The following SCAPER variants were observed in gnomAD, a reference collection of about 807,000 sequenced individuals.
SCAPER encodes S-phase cyclin A associated protein in the ER.
SCAPER carries 98 observed loss-of-function variants against 182.2 expected under a neutral mutation model. That is an observed-to-expected ratio of 0.54 (90% confidence interval 0.46 to 0.64). The LOEUF (loss-of-function observed/expected upper bound fraction) is 0.64, where lower values mean the gene tolerates loss of function less well. Ranked by LOEUF, SCAPER falls within the 30% of genes least tolerant of loss-of-function variation. The pLI is 0.00. For synonymous variants in SCAPER, 605 were observed against 564.6 expected (o/e 1.07, Z -1.01); for missense variants, 1,432 against 1,690.0 (o/e 0.85, Z 2.68).
At chr15:76,764,387 C>A (rs1471506355) in intron 14 of SCAPER, among the ~76,000 whole-genome samples, 1 of 149,708 alleles carries the variant, frequency 6.7e-6, no homozygotes. Context: ...CAAGGCAGGT[C>A]GTGGCAGAGG....
chr15:76,637,734 ATATATATATGTGTGTGTGTGTGTGTG>A lies in SCAPER; in HGVS notation c.2646-15931_2646-15906del, dbSNP rs1367651941. Among the ~76,000 whole-genome samples the A allele has an allele frequency of 7.9e-3, 248 of 31,548 alleles. 7 individuals are homozygous for A. The highest frequency in any genetic ancestry group is 0.019 in the African/African-American group (243 of 12,480). The allele number at this position is 31,548 out of a possible 152,430, so 20.7% of individuals were successfully genotyped here. ...AATATATATGTGATTATATATATAT[ATATATATATGTGTGTGTGTGTGTGTG>A]TGTGTGTGTGTGTGTGTGTGTGTGT... On this transcript the variant is annotated intron_variant, in intron 21 of 31. Coordinates refer to ENST00000563290, the MANE Select transcript of SCAPER (RefSeq NM_020843.4).
chr15:76,671,477 C>T, intron 20 of SCAPER, among the ~76,000 whole-genome samples: 1 of 151,900 alleles, frequency 6.6e-6, no homozygotes, highest in South Asian at 2.1e-4. Context: ...ATTCCCACAA[C>T]CTCCAAATAG....
rs918696624 is a variant in SCAPER at position 76,717,145 on chromosome 15, A to G, written c.2166-11161T>C. Among the ~76,000 whole-genome samples, 6 of 120,284 alleles carry G rather than the reference A, an allele frequency of 5.0e-5. No homozygotes were observed. In the South Asian group the frequency reaches 1.1e-3, roughly 22 times the overall value. The allele number at this position is 120,284 out of a possible 152,430, so 78.9% of individuals were successfully genotyped here. Reference sequence around the variant, plus strand: ...ACATATTCAAAATGATGAAAGGGAAAAAAAAAAAAAAAAAACCTGCCGGCT... The same window carrying G: ...ACATATTCAAAATGATGAAAGGGAAGAAAAAAAAAAAAAAACCTGCCGGCT... On this transcript the variant is annotated intron_variant, in intron 17 of 31. Coordinates refer to ENST00000563290, the MANE Select transcript of SCAPER (RefSeq NM_020843.4).
At chr15:76,603,561 T>G (rs2145818174) in intron 22 of SCAPER, among the ~76,000 whole-genome samples, 1 of 122,288 alleles carries the variant, frequency 8.2e-6, no homozygotes, top group South Asian at 2.5e-4. Flanking sequence ...ATGGGATGGC[T>G]GGGTCAAATG....
In SCAPER at chr15:76,404,507, T is replaced by C. The variant is rs764433726; in HGVS notation, c.3467+17A>G. 1 of 1,583,972 alleles carries C rather than the reference T, an allele frequency of 6.3e-7. No homozygotes were observed. Among genetic ancestry groups the C allele is most frequent in the South Asian group, 1.1e-5 (1 of 88,638 alleles). On this transcript the variant is annotated intron_variant, in intron 27 of 31. Coordinates refer to ENST00000563290, the MANE Select transcript of SCAPER (RefSeq NM_020843.4). ...TCCAAAAGTTGAGTCTAGATTGAGATCAAGTAGATGCCTTACCTTCCAGTG... is the reference window on the plus strand; with the variant it reads ...TCCAAAAGTTGAGTCTAGATTGAGACCAAGTAGATGCCTTACCTTCCAGTG...
chr15:76,388,586 C>G (rs1333136118), intron 27 of SCAPER, among the ~76,000 whole-genome samples: 1 of 152,160 alleles, frequency 6.6e-6, no homozygotes, highest in South Asian at 2.1e-4. Flanking sequence ...ATTTAAGACT[C>G]AGCTGGGCAT....
intron 22 of SCAPER, among the ~76,000 whole-genome samples, chr15:76,576,233 G>A (rs1370448183): frequency 2.0e-5 from 3 of 152,110 alleles, no homozygotes; most frequent in African/African-American, 4.8e-5. Context: ...CAATGGTGGC[G>A]TGCACCTGTA....
chr15:76,509,154 G>A (rs989785434), intron 23 of SCAPER, among the ~76,000 whole-genome samples: 1 of 152,082 alleles, frequency 6.6e-6, no homozygotes, highest in East Asian at 1.9e-4. Context: ...AAAAATAAAT[G>A]AAACATCTCT....
At chr15:76,903,288 T>A (rs2074901721) in intron 1 of SCAPER, among the ~76,000 whole-genome samples, 1 of 152,198 alleles carries the variant, frequency 6.6e-6, no homozygotes, top group Non-Finnish European at 1.5e-5. Flanking sequence ...AACACATTTG[T>A]ACAGTACTGC....
chr15:76,668,807 T>C (rs1389271785), intron 20 of SCAPER, among the ~76,000 whole-genome samples: 2 of 152,216 alleles, frequency 1.3e-5, no homozygotes, highest in Non-Finnish European at 2.9e-5. Context: ...ACTCAGTAAG[T>C]ATGTGTTAGA....
intron 2 of SCAPER, among the ~76,000 whole-genome samples, chr15:76,870,656 T>C (rs747903734): frequency 1.3e-5 from 2 of 151,866 alleles, no homozygotes; most frequent in Non-Finnish European, 2.9e-5. Flanking sequence ...AAGAAATTAG[T>C]GAATTAGTTA....
intron 17 of SCAPER, among the ~76,000 whole-genome samples, chr15:76,725,728 A>T (rs1222480282): frequency 2.6e-5 from 4 of 152,122 alleles, no homozygotes; most frequent in African/African-American, 9.7e-5. Context: ...AAAGATGACA[A>T]AACCATTCAA....
At chr15:76,888,256 C>G (rs1017195901) in intron 1 of SCAPER, among the ~76,000 whole-genome samples, 1 of 152,176 alleles carries the variant, frequency 6.6e-6, no homozygotes, top group African/African-American at 2.4e-5. Context: ...ATTCTAAAAA[C>G]CAGAGTGCTT....
At chr15:76,635,819 G>T (rs1401424932) in intron 21 of SCAPER, among the ~76,000 whole-genome samples, 3 of 152,140 alleles carry the variant, frequency 2.0e-5, no homozygotes, top group African/African-American at 7.2e-5. Context: ...GTTGATCATG[G>T]TTTATGTTCC....
chr15:76,584,493 T>C (rs1000964800), intron 22 of SCAPER, among the ~76,000 whole-genome samples: 1 of 150,918 alleles, frequency 6.6e-6, no homozygotes, highest in African/African-American at 2.5e-5. Flanking sequence ...TTATGCATTA[T>C]ATACCTGTAT....
intron 20 of SCAPER, among the ~76,000 whole-genome samples, chr15:76,670,236 G>A (rs1008432486): frequency 1.3e-5 from 2 of 151,738 alleles, no homozygotes; most frequent in African/African-American, 4.8e-5. Context: ...CTGTTTTGAA[G>A]TATATTCTTC....
chr15:76,665,879 T>G, intron 20 of SCAPER, 90 bp from the exon 21 acceptor site: 2 of 1,129,446 alleles, frequency 1.8e-6, no homozygotes, highest in Non-Finnish European at 2.4e-6. Flanking sequence ...GTTTAAGACA[T>G]TTGATGAAAC....
At chr15:76,606,784 C>G (rs2050448745) in intron 22 of SCAPER, among the ~76,000 whole-genome samples, 1 of 151,906 alleles carries the variant, frequency 6.6e-6, no homozygotes, top group South Asian at 2.1e-4. Context: ...CCTTCTTTGT[C>G]TCTTTTGATC....
chr15:76,374,687 G>A lies in SCAPER; in HGVS notation c.3855+1475C>T, dbSNP rs946390227. ...GTAGAGACGGGGTTTCTTCATGTTG[G>A]TGAGTATGTGGCTGGTCTCGAACTC... On this transcript the variant is annotated intron_variant, in intron 29 of 31. Coordinates refer to ENST00000563290, the MANE Select transcript of SCAPER (RefSeq NM_020843.4). Among the ~76,000 whole-genome samples the A allele has an allele frequency of 8.6e-5, 13 of 151,710 alleles. 1 individual carries two copies. Among genetic ancestry groups the A allele is most frequent in the Non-Finnish European group, 1.8e-4 (12 of 67,974 alleles).
Sources: gnomAD v4.1 joint callset for allele counts (sites outside exome capture counted in the v4.1 genomes callset) on GRCh38, gnomAD v4.1.1 for gene constraint, MANE v1.5 for transcripts, NCBI Gene and HGNC (gene_info 2026-07-23, HGNC 2026-07-21) for gene names.